The following ZC3H12B variants were observed in gnomAD, a reference collection of about 807,000 sequenced individuals.
ZC3H12B encodes the protein zinc finger CCCH-type containing 12B, also known as probable ribonuclease ZC3H12B.
A neutral mutation model predicts 43.9 loss-of-function variants in ZC3H12B; 7 were observed. The observed-to-expected ratio is 0.16, with a 90% CI of 0.09 to 0.30. The LOEUF (loss-of-function observed/expected upper bound fraction) is 0.30, where lower values mean the gene tolerates loss of function less well. Among genes scored for constraint, ZC3H12B ranks in the 10% least tolerant of loss-of-function variants. The pLI is 1.00. For synonymous variants in ZC3H12B, 222 were observed against 241.7 expected (o/e 0.92, Z 0.76); for missense variants, 475 against 670.2 (o/e 0.71, Z 3.22).
the ZC3H12B span, among the ~76,000 whole-genome samples, chrX:65,245,041 G>T: frequency 9.0e-6 from 1 of 110,942 alleles, no homozygotes; most frequent in African/African-American, 3.3e-5. Flanking sequence ...CATCACAATC[G>T]GAAATGACAA....
intron 3 of ZC3H12B, among the ~76,000 whole-genome samples, chrX:65,419,080 G>A (rs902962633): frequency 9.0e-6 from 1 of 111,011 alleles, no homozygotes; most frequent in Non-Finnish European, 1.9e-5. Context: ...TCTAGCTCAG[G>A]TTCATCTCTT....
chrX:65,057,084 A>G, the ZC3H12B span, among the ~76,000 whole-genome samples: 1 of 112,008 alleles, frequency 8.9e-6, no homozygotes, highest in African/African-American at 3.2e-5. Context: ...TAGCCCATTT[A>G]CATTTAAGGT....
At chrX:65,345,170 A>G in the ZC3H12B span, among the ~76,000 whole-genome samples, 4 of 112,426 alleles carry the variant, frequency 3.6e-5, no homozygotes, top group Non-Finnish European at 5.6e-5. Flanking sequence ...CAGTAATACC[A>G]TTCAACTTAG....
intron 3 of ZC3H12B, among the ~76,000 whole-genome samples, chrX:65,422,216 G>A (rs1380353223): frequency 1.8e-5 from 2 of 111,621 alleles, no homozygotes; most frequent in Non-Finnish European, 3.8e-5. Flanking sequence ...TCAAAGGGTG[G>A]AAATGAGTGT....
intron 2 of ZC3H12B, among the ~76,000 whole-genome samples, chrX:65,381,672 T>A (rs1190037023): frequency 1.8e-5 from 2 of 111,716 alleles, no homozygotes; most frequent in African/African-American, 6.5e-5. Context: ...GGAGCTGGTT[T>A]TTTGAAAAGA....
the ZC3H12B span, among the ~76,000 whole-genome samples, chrX:65,197,212 TG>T: frequency 9.0e-6 from 1 of 111,398 alleles, no homozygotes; most frequent in African/African-American, 3.3e-5. Flanking sequence ...ACCTGGCGGC[TG>T]GGGGAGGGAG....
chrX:65,444,283 A>C (rs777962705), intron 3 of ZC3H12B, among the ~76,000 whole-genome samples: 2 of 112,525 alleles, frequency 1.8e-5, no homozygotes, highest in East Asian at 5.6e-4. Flanking sequence ...GCAAGCTGAT[A>C]GGTTTGGCTG....
chrX:65,049,222 G>A, the ZC3H12B span, among the ~76,000 whole-genome samples: 1 of 111,030 alleles, frequency 9.0e-6, no homozygotes, highest in Non-Finnish European at 1.9e-5. Flanking sequence ...TGCTTTTGGT[G>A]TCTTATCCAA....
the ZC3H12B span, among the ~76,000 whole-genome samples, chrX:65,129,421 G>A: frequency 5.7e-4 from 62 of 109,559 alleles, no homozygotes; most frequent in African/African-American, 2.0e-3. Context: ...GGAGTTAGGG[G>A]TGGGGCAGTT....
At chrX:65,126,835 T>C in the ZC3H12B span, among the ~76,000 whole-genome samples, 1 of 108,446 alleles carries the variant, frequency 9.2e-6, no homozygotes, top group African/African-American at 3.4e-5. Flanking sequence ...TGTCCTTGAT[T>C]TCCAGAAATC....
At chrX:65,071,236 G>A in the ZC3H12B span, among the ~76,000 whole-genome samples, 8 of 106,084 alleles carry the variant, frequency 7.5e-5, no homozygotes, top group Non-Finnish European at 1.6e-4. Flanking sequence ...GATCTTTGTT[G>A]GTTTGAAATC....
chrX:65,199,868 G>T, the ZC3H12B span, among the ~76,000 whole-genome samples: 1 of 108,244 alleles, frequency 9.2e-6, no homozygotes, highest in African/African-American at 3.4e-5. Context: ...CATTTAGGTT[G>T]ATTCCATGTC....
At chrX:65,142,459 G>A in the ZC3H12B span, among the ~76,000 whole-genome samples, 1 of 112,194 alleles carries the variant, frequency 8.9e-6, no homozygotes, top group African/African-American at 3.2e-5. Context: ...CAGGTTGTCT[G>A]TTTACTTTGC....
chrX:65,065,956 C>T, the ZC3H12B span, among the ~76,000 whole-genome samples: 1 of 106,975 alleles, frequency 9.3e-6, no homozygotes, highest in Non-Finnish European at 1.9e-5. Context: ...CTTGTGCATG[C>T]TTCACAAAGT....
At chrX:65,164,354 C>A in the ZC3H12B span, among the ~76,000 whole-genome samples, 1 of 111,036 alleles carries the variant, frequency 9.0e-6, no homozygotes, top group African/African-American at 3.3e-5. Flanking sequence ...ATCAGCTGAT[C>A]CATCAGAATG....
At chrX:65,315,491 A>G in the ZC3H12B span, among the ~76,000 whole-genome samples, 1 of 111,547 alleles carries the variant, frequency 9.0e-6, no homozygotes, top group Non-Finnish European at 1.9e-5. Context: ...CCAGAGAAAA[A>G]AGCCAGGGGC....
At chrX:65,212,373 A>C in the ZC3H12B span, among the ~76,000 whole-genome samples, 1 of 48,383 alleles carries the variant, frequency 2.1e-5, no homozygotes, top group African/African-American at 8.8e-5. Context: ...TATATTACAT[A>C]TTGTATAATA....
chrX:65,358,463 C>T, the ZC3H12B span, among the ~76,000 whole-genome samples: 44 of 111,448 alleles, frequency 3.9e-4, no homozygotes, highest in Non-Finnish European at 7.0e-4. Flanking sequence ...TGCAAAAGAA[C>T]GGAAATCATA....
At chrX:65,395,895 T>C (rs1373613625) in intron 2 of ZC3H12B, among the ~76,000 whole-genome samples, 1 of 111,724 alleles carries the variant, frequency 9.0e-6, no homozygotes, top group Non-Finnish European at 1.9e-5. Context: ...GGTATGCGAC[T>C]TCTCTCACGT....
Sources: allele counts gnomAD v4.1 joint callset (sites outside exome capture counted in the v4.1 genomes callset), GRCh38; gene constraint gnomAD v4.1.1; transcripts MANE v1.5; gene names NCBI Gene and HGNC (gene_info 2026-07-23, HGNC 2026-07-21).